The following GLIS3 variants were observed in gnomAD, a reference collection of about 807,000 sequenced individuals.
GLIS3 encodes the protein zinc finger protein GLIS3.
In GLIS3, 53 loss-of-function variants were observed where a neutral mutation model predicts 78.6. The ratio of observed to expected loss-of-function variants is 0.67; its 90% CI spans 0.54 to 0.85. GLIS3 has a LOEUF of 0.85. GLIS3 is among the 40% of genes least tolerant of loss of function. The pLI is 0.00. For synonymous variants in GLIS3, 684 were observed against 509.9 expected, an observed-to-expected ratio of 1.34 and a Z score of -4.60; for missense variants, 1,703 against 1,231.1, an observed-to-expected ratio of 1.38 and a Z score of -5.74.
the GLIS3 span, among the ~76,000 whole-genome samples, chr9:4,449,175 C>G: frequency 4.1e-3 from 619 of 152,332 alleles, 2 homozygotes; most frequent in African/African-American, 0.014. Flanking sequence ...ATATACCATG[C>G]ATGGCTTGGC....
intron 9 of GLIS3, among the ~76,000 whole-genome samples, chr9:3,849,621 G>A (rs528184026): frequency 6.6e-6 from 1 of 152,254 alleles, no homozygotes; most frequent in East Asian, 1.9e-4. Flanking sequence ...CTTGTCATGA[G>A]AGAAGGCTAA....
chr9:3,933,722 C>G (rs530661867), intron 5 of GLIS3, among the ~76,000 whole-genome samples: 2 of 152,228 alleles, frequency 1.3e-5, no homozygotes, highest in South Asian at 2.1e-4. Flanking sequence ...AACAAAAAAT[C>G]TGATTAATCT....
At chr9:4,459,439 G>A in the GLIS3 span, among the ~76,000 whole-genome samples, 4 of 152,142 alleles carry the variant, frequency 2.6e-5, no homozygotes, top group South Asian at 2.1e-4. Context: ...GAGGGAAAAC[G>A]AGAGTGGTAT....
At chr9:4,300,115 C>A (rs986276590), upstream of GLIS3, among the ~76,000 whole-genome samples, 4 of 141,930 alleles carry the variant, frequency 2.8e-5, no homozygotes, top group African/African-American at 8.0e-5. Flanking sequence ...TGAGTGTGAG[C>A]GCCGGAGGGG....
chr9:4,446,183 A>G, the GLIS3 span, among the ~76,000 whole-genome samples: 4 of 152,140 alleles, frequency 2.6e-5, no homozygotes, highest in Non-Finnish European at 5.9e-5. Context: ...ATTCTATGGT[A>G]GTGGTATTAA....
At chr9:4,352,824 AATCTT>A (rs1290206934), upstream of GLIS3, among the ~76,000 whole-genome samples, 1 of 152,260 alleles carries the variant, frequency 6.6e-6, no homozygotes, top group African/African-American at 2.4e-5. Flanking sequence ...GCCAAAAATG[AATCTT>A]CATAGTTAGG....
intron 2 of GLIS3, among the ~76,000 whole-genome samples, chr9:4,267,062 G>A (rs1448190580): frequency 6.6e-6 from 1 of 152,140 alleles, no homozygotes. Flanking sequence ...GAAGCAAAAT[G>A]GAGAATGCAT....
intron 2 of GLIS3, among the ~76,000 whole-genome samples, chr9:4,173,405 T>C (rs1816541271): frequency 6.6e-6 from 1 of 152,150 alleles, no homozygotes. Flanking sequence ...TTATTAACCG[T>C]GCCACGTGTG....
chr9:4,455,432 G>C, the GLIS3 span, among the ~76,000 whole-genome samples: 1 of 152,176 alleles, frequency 6.6e-6, no homozygotes, highest in South Asian at 2.1e-4. Flanking sequence ...GAAAAAGTTA[G>C]GCATCTTGTA....
At chr9:3,913,737 C>A (rs779041585) in intron 6 of GLIS3, among the ~76,000 whole-genome samples, 1 of 152,102 alleles carries the variant, frequency 6.6e-6, no homozygotes, top group South Asian at 2.1e-4. Flanking sequence ...TGTTAGCACT[C>A]GTGATTTTCT....
At chr9:4,267,209 A>G (rs1571583) in intron 2 of GLIS3, among the ~76,000 whole-genome samples, 115,595 of 152,038 alleles carry the variant, frequency 0.76, 44,235 homozygotes, top group African/African-American at 0.79. Flanking sequence ...CCCATCTTCT[A>G]AAGTGGGAGT....
intron 2 of GLIS3, among the ~76,000 whole-genome samples, chr9:4,269,748 C>G (rs1826336548): frequency 6.6e-6 from 1 of 152,008 alleles, no homozygotes; most frequent in African/African-American, 2.4e-5. Flanking sequence ...GTAAATAATG[C>G]TGTCTATTAA....
chr9:4,112,411 C>A (rs1831292651), intron 4 of GLIS3, among the ~76,000 whole-genome samples: 1 of 152,166 alleles, frequency 6.6e-6, no homozygotes, highest in Non-Finnish European at 1.5e-5. Context: ...TGCATCTTAA[C>A]AGAAGTAACA....
In GLIS3 at chr9:4,257,749, AT is replaced by A. The variant is rs1180805979; in HGVS notation, c.388+28288del. Among the ~76,000 whole-genome samples, 112 of 151,642 alleles carry A rather than the reference AT, an allele frequency of 7.4e-4. 1 individual carries two copies. The highest frequency in any genetic ancestry group is 1.9e-4 in the Non-Finnish European group (13 of 67,904). Reference sequence around the variant, plus strand: ...CCACCACGCCCGGCTAATTTTTTTTATTTTTAGTAGAGATGGGGTTTCACTG... The same window carrying A: ...CCACCACGCCCGGCTAATTTTTTTTATTTTAGTAGAGATGGGGTTTCACTG... On this transcript the variant is annotated intron_variant, in intron 2 of 10. Coordinates refer to ENST00000381971, the MANE Select transcript of GLIS3 (RefSeq NM_001042413.2).
At chr9:4,002,332 T>A (rs1477285925) in intron 4 of GLIS3, among the ~76,000 whole-genome samples, 2 of 152,202 alleles carry the variant, frequency 1.3e-5, no homozygotes, top group African/African-American at 4.8e-5. Flanking sequence ...GTAAAATTCA[T>A]TTCCGACTCC....
At chr9:4,422,296 C>T in the GLIS3 span, among the ~76,000 whole-genome samples, 4 of 152,180 alleles carry the variant, frequency 2.6e-5, no homozygotes, top group African/African-American at 9.7e-5. Context: ...CATCAGATAA[C>T]AAAGCAAACC....
intron 8 of GLIS3, among the ~76,000 whole-genome samples, chr9:3,873,200 TG>T (rs772031652): frequency 6.6e-6 from 1 of 152,066 alleles, no homozygotes; most frequent in Non-Finnish European, 1.5e-5. Context: ...TCCAAAAAAT[TG>T]AAGAGGGAAT....
chr9:4,397,267 C>T, the GLIS3 span, among the ~76,000 whole-genome samples: 3 of 149,120 alleles, frequency 2.0e-5, no homozygotes, highest in African/African-American at 2.5e-5. Flanking sequence ...CCTCGTGATC[C>T]GCCCGCCTCG....
intron 2 of GLIS3, among the ~76,000 whole-genome samples, chr9:4,179,102 C>T (rs1305453802): frequency 1.3e-5 from 2 of 152,198 alleles, no homozygotes; most frequent in Non-Finnish European, 2.9e-5. Flanking sequence ...ACACCTTGGA[C>T]ATTGTTTCGC....
Sources: gnomAD v4.1 joint callset for allele counts (sites outside exome capture counted in the v4.1 genomes callset) on GRCh38, gnomAD v4.1.1 for gene constraint, MANE v1.5 for transcripts, NCBI Gene and HGNC (gene_info 2026-07-23, HGNC 2026-07-21) for gene names.